EPG5: variants seen among roughly 807,000 people sequenced by gnomAD.
EPG5 encodes ectopic P granules protein 5 homolog.
EPG5 carries 159 observed loss-of-function variants against 302.7 expected under a neutral mutation model. The ratio of observed to expected loss-of-function variants is 0.53; its 90% CI spans 0.46 to 0.60. The LOEUF is 0.60. Among genes scored for constraint, EPG5 ranks in the 20% least tolerant of loss-of-function variants. The pLI, the probability that EPG5 is intolerant of heterozygous loss-of-function variation, is 0.00. For synonymous variants in EPG5, 1,158 were observed against 1,136.8 expected, an observed-to-expected ratio of 1.02 and a Z score of -0.37; for missense variants, 2,896 against 3,092.4, an observed-to-expected ratio of 0.94 and a Z score of 1.51.
intron 29 of EPG5, 50 bp downstream of exon 29, chr18:45,887,701 A>G: frequency 5.0e-6 from 7 of 1,388,096 alleles, no homozygotes; most frequent in Non-Finnish European, 3.8e-6. Context: ...GAAGACAGAC[A>G]CCGCAGAGAC....
In EPG5 at chr18:45,922,555, T is replaced by A; in HGVS notation, c.2884A>T (p.Thr962Ser). 1.2e-6 allele frequency: 2 copies of A among 1,614,196 alleles called. No individual in the cohort carries two copies. The highest frequency in any genetic ancestry group is 1.7e-6 in the Non-Finnish European group (2 of 1,180,036). Residue 962 changes from threonine to serine, a missense_variant, in exon 16 of 44, where the codon ACC becomes TCC. Around this residue, in one of 5 missense-constraint regions of EPG5, gnomAD observed 1,390 missense variants for 1,430.0 expected, o/e 0.97. Coordinates refer to ENST00000282041, the MANE Select transcript of EPG5 (RefSeq NM_020964.3). ...SIVRYGETPE[T>S]SFNQWAWNLI... ...TTCCAGGCCCATTGGTTAAATGAGG[T>A]CTCGGGTGTCTCTCCATATCGAACA...
At chr18:45,930,580 A>T in intron 12 of EPG5, 96 bp downstream of exon 12, 2 of 978,174 alleles carry the variant, frequency 2.0e-6, no homozygotes, top group Middle Eastern at 2.4e-4. Context: ...TAGCTAAATA[A>T]GTCACAATTT....
chr18:45,836,250 C>T, the EPG5 span, among the ~76,000 whole-genome samples: 2 of 152,152 alleles, frequency 1.3e-5, no homozygotes, highest in Admixed American at 1.3e-4. Flanking sequence ...CATTTTCTCA[C>T]CTTTAATAAT....
At position 45,885,642 on chromosome 18, in the gene EPG5, C is replaced by T. The variant is rs1207355171; in HGVS notation, c.5110-831G>A. ...TAAGCAAAAATTGAAACAATTTCAC[C>T]GGCAGGAAGGCTTTCATATGGTTGA... On this transcript the variant is annotated intron_variant, in intron 29 of 43. Transcript: ENST00000282041. 3.3e-5 allele frequency among the ~76,000 whole-genome samples: 5 copies of T among 151,894 alleles called. No individual in the cohort carries two copies. The South Asian group carries it at 8.3e-4, about 25-fold the overall frequency.
chr18:45,807,710 G>A, the EPG5 span, among the ~76,000 whole-genome samples: 3 of 151,882 alleles, frequency 2.0e-5, no homozygotes, highest in African/African-American at 7.3e-5. Context: ...ACACCCTGTG[G>A]GACAAAAAAA....
At chr18:45,855,935 C>G (rs1318340592) in intron 42 of EPG5, among the ~76,000 whole-genome samples, 1 of 152,176 alleles carries the variant, frequency 6.6e-6, no homozygotes, top group Non-Finnish European at 1.5e-5. Context: ...AACTGGAACC[C>G]TTGCACATTG....
chr18:45,842,243 C>T, the EPG5 span: 61 of 1,591,522 alleles, frequency 3.8e-5, no homozygotes, highest in South Asian at 7.7e-5. Context: ...AAGGCCAGTG[C>T]GAGGCTTGGC....
intron 16 of EPG5, among the ~76,000 whole-genome samples, chr18:45,920,722 G>A (rs2050136491): frequency 6.6e-6 from 1 of 152,164 alleles, no homozygotes. Context: ...ACATTCATGA[G>A]GGATCAGCCC....
intron 34 of EPG5, among the ~76,000 whole-genome samples, chr18:45,876,871 C>T (rs1295350896): frequency 2.0e-5 from 3 of 152,034 alleles, no homozygotes; most frequent in African/African-American, 7.2e-5. Context: ...GCAACCTTCA[C>T]CTCCAGGGTT....
chr18:45,899,654 T>C, intron 26 of EPG5, 88 bp from the exon 27 acceptor site: 1 of 1,379,796 alleles, frequency 7.2e-7, no homozygotes, highest in Non-Finnish European at 1.0e-6. Context: ...ACAGCCAGCA[T>C]TATAGTGCAG....
chr18:45,871,992 T>C (rs1416619744), intron 35 of EPG5, among the ~76,000 whole-genome samples: 1 of 152,258 alleles, frequency 6.6e-6, no homozygotes, highest in Non-Finnish European at 1.5e-5. Context: ...CTTAATTATC[T>C]TGATTTAATC....
chr18:45,904,396 A>C (rs2049698280), intron 24 of EPG5, among the ~76,000 whole-genome samples: 1 of 152,240 alleles, frequency 6.6e-6, no homozygotes, highest in Admixed American at 6.5e-5. Context: ...CTAATACATT[A>C]TGTATACTAT....
At chr18:45,966,120 C>G (rs1044394009) in intron 1 of EPG5, among the ~76,000 whole-genome samples, 2 of 151,828 alleles carry the variant, frequency 1.3e-5, no homozygotes, top group Non-Finnish European at 2.9e-5. Flanking sequence ...CGCCTGTAAT[C>G]TCAGCACTTT....
intron 29 of EPG5, among the ~76,000 whole-genome samples, chr18:45,885,490 T>G (rs1393666721): frequency 6.6e-6 from 1 of 152,118 alleles, no homozygotes; most frequent in African/African-American, 2.4e-5. Flanking sequence ...AAAACAAAAC[T>G]TCCAGGTTAT....
intron 27 of EPG5, among the ~76,000 whole-genome samples, chr18:45,898,927 C>T (rs1254691020): frequency 1.3e-5 from 2 of 152,150 alleles, no homozygotes; most frequent in Admixed American, 6.6e-5. Flanking sequence ...GAGTTCAAGA[C>T]CAGCCTAACC....
intron 39 of EPG5, among the ~76,000 whole-genome samples, chr18:45,864,502 C>G (rs1448672624): frequency 3.9e-5 from 6 of 152,106 alleles, no homozygotes; most frequent in Non-Finnish European, 8.8e-5. Context: ...AACTTTTTTG[C>G]TTACTGTACT....
At chr18:45,911,388 C>T (rs189177590) in intron 22 of EPG5, among the ~76,000 whole-genome samples, 65 of 151,892 alleles carry the variant, frequency 4.3e-4, no homozygotes, top group African/African-American at 1.6e-3. Flanking sequence ...TGGGTTCACA[C>T]CATTCTCCTG....
chr18:45,888,560 C>G (rs2049267950), intron 28 of EPG5, among the ~76,000 whole-genome samples: 1 of 152,208 alleles, frequency 6.6e-6, no homozygotes, highest in Non-Finnish European at 1.5e-5. Context: ...CCGCCTCGGC[C>G]TCCCAAAGTG....
At chr18:45,825,156 A>AAGGGAGGG in the EPG5 span, among the ~76,000 whole-genome samples, 2 of 109,662 alleles carry the variant, frequency 1.8e-5, no homozygotes, top group Non-Finnish European at 3.7e-5. Context: ...GGAGGGAAGG[A>AAGGGAGGG]AGGGAGGGAG....
Sources: gnomAD v4.1 joint callset for allele counts (sites outside exome capture counted in the v4.1 genomes callset) on GRCh38, gnomAD v4.1.1 for gene constraint, gnomAD v4.1.1 regional missense constraint, MANE v1.5 for transcripts, NCBI Gene and HGNC (gene_info 2026-07-23, HGNC 2026-07-21) for gene names.